CACNB2: variants seen among roughly 807,000 people sequenced by gnomAD.
CACNB2 encodes calcium voltage-gated channel auxiliary subunit beta 2.
CACNB2 carries 42 observed loss-of-function variants against 73.3 expected under a neutral mutation model. The observed-to-expected ratio is 0.57, with a 90% CI of 0.45 to 0.74. The LOEUF is 0.74. Ranked by LOEUF, CACNB2 falls within the 30% of genes least tolerant of loss-of-function variation. The probability of loss-of-function intolerance (pLI) is 0.00; values close to 1 mark genes in which losing one functional copy is unlikely to be tolerated. For missense variants in CACNB2, 940 were observed against 853.0 expected (o/e 1.10, Z -1.27); for synonymous variants, 348 against 310.3 (o/e 1.12, Z -1.28).
intron 3 of CACNB2, among the ~76,000 whole-genome samples, chr10:18,426,450 G>C (rs1314955501): frequency 6.6e-6 from 1 of 152,168 alleles, no homozygotes; most frequent in Non-Finnish European, 1.5e-5. Flanking sequence ...GTATTTATCA[G>C]TCTTTCTAAA....
chr10:18,314,446 T>A (rs1001898896), intron 2 of CACNB2, among the ~76,000 whole-genome samples: 1 of 152,188 alleles, frequency 6.6e-6, no homozygotes, highest in African/African-American at 2.4e-5. Flanking sequence ...TACTTTTTGT[T>A]TGTTACATCA....
At chr10:18,401,154 T>C in intron 2 of CACNB2, 1 of 1,608,362 alleles carries the variant, frequency 6.2e-7, no homozygotes. Context: ...TCTGCTTTTC[T>C]GTTGTTGCAG....
At chr10:18,296,536 G>C (rs1031768010) in intron 2 of CACNB2, among the ~76,000 whole-genome samples, 2 of 152,082 alleles carry the variant, frequency 1.3e-5, no homozygotes, top group African/African-American at 4.8e-5. Context: ...AAACCTGAGA[G>C]ATCACACCAG....
chr10:18,159,563 T>G (rs188648553), intron 2 of CACNB2, among the ~76,000 whole-genome samples: 2 of 152,286 alleles, frequency 1.3e-5, no homozygotes, highest in Admixed American at 1.3e-4. Flanking sequence ...GCATGACACT[T>G]TCAGAACATG....
chr10:18,464,493 C>G (rs1449937956), intron 3 of CACNB2, among the ~76,000 whole-genome samples: 1 of 149,126 alleles, frequency 6.7e-6, no homozygotes, highest in East Asian at 2.0e-4. Context: ...TTTTTATTTC[C>G]AAGCTTCCCC....
chr10:18,358,977 A>G (rs1023705842), intron 2 of CACNB2, among the ~76,000 whole-genome samples: 1 of 152,174 alleles, frequency 6.6e-6, no homozygotes, highest in African/African-American at 2.4e-5. Context: ...TTTTTTATGT[A>G]GCAGTTTCCT....
chr10:18,511,512 G>T (rs548591421), intron 6 of CACNB2, among the ~76,000 whole-genome samples: 1 of 152,346 alleles, frequency 6.6e-6, no homozygotes, highest in African/African-American at 2.4e-5. Context: ...GTATCCCAGG[G>T]AATGGTAGCT....
At chr10:18,289,288 T>C (rs1408004807) in intron 2 of CACNB2, among the ~76,000 whole-genome samples, 1 of 68,718 alleles carries the variant, frequency 1.5e-5, no homozygotes, top group Admixed American at 1.8e-4. Context: ...TTTCTTGTTT[T>C]TTTGTTTTGT....
At position 18,383,389 on chromosome 10, in the gene CACNB2, C is replaced by G. The variant is rs552354866; in HGVS notation, c.214-18535C>G. Reference sequence around the variant, plus strand: ...GCAGAAGTGGGTATAAGCAGAGAGACTAATTACAAAGGCACCGTAAGAGTC... The same window carrying G: ...GCAGAAGTGGGTATAAGCAGAGAGAGTAATTACAAAGGCACCGTAAGAGTC... On this transcript the variant is annotated intron_variant, in intron 2 of 13. Coordinates refer to ENST00000324631, the MANE Select transcript of CACNB2 (RefSeq NM_201596.3). 2.6e-4 allele frequency among the ~76,000 whole-genome samples: 40 copies of G among 152,256 alleles called. 2 individuals carry two copies. In the South Asian group the frequency reaches 8.3e-3, roughly 32 times the overall value.
intron 2 of CACNB2, among the ~76,000 whole-genome samples, chr10:18,208,318 T>A (rs1238787668): frequency 6.6e-6 from 1 of 151,520 alleles, no homozygotes; most frequent in East Asian, 1.9e-4. Context: ...ACAAAAAACT[T>A]TTTTTTAATT....
intron 2 of CACNB2, among the ~76,000 whole-genome samples, chr10:18,324,168 T>C (rs141009316): frequency 7.9e-5 from 12 of 152,344 alleles, no homozygotes; most frequent in African/African-American, 2.9e-4. Flanking sequence ...TGTGTTTCTG[T>C]TCATGAGGAG....
chr10:18,186,324 C>A (rs973403815), intron 2 of CACNB2, among the ~76,000 whole-genome samples: 9 of 151,560 alleles, frequency 5.9e-5, no homozygotes, highest in Non-Finnish European at 1.0e-4. Context: ...GAGGCTGAGG[C>A]AAGAGAATTG....
intron 2 of CACNB2, among the ~76,000 whole-genome samples, chr10:18,347,288 C>A (rs2041499702): frequency 6.6e-6 from 1 of 151,812 alleles, no homozygotes. Context: ...AGCAATTCTC[C>A]TGCCTCAGCC....
intron 1 of CACNB2, among the ~76,000 whole-genome samples, chr10:18,145,632 G>A (rs2030887517): frequency 6.6e-6 from 1 of 152,098 alleles, no homozygotes; most frequent in East Asian, 1.9e-4. Flanking sequence ...GCCCTTTCAA[G>A]AGAAGCTAAG....
intron 3 of CACNB2, among the ~76,000 whole-genome samples, chr10:18,413,357 C>A (rs1486836430): frequency 6.6e-6 from 1 of 152,202 alleles, no homozygotes; most frequent in Non-Finnish European, 1.5e-5. Context: ...AAACCACTGC[C>A]ATCTTCCCTT....
intron 2 of CACNB2, among the ~76,000 whole-genome samples, chr10:18,382,152 T>C (rs949915893): frequency 2.6e-5 from 4 of 152,130 alleles, no homozygotes; most frequent in African/African-American, 7.2e-5. Context: ...ATCTTAAATA[T>C]AGCAAAATTA....
chr10:18,458,077 TC>T (rs1472392622), intron 3 of CACNB2, among the ~76,000 whole-genome samples: 1 of 152,216 alleles, frequency 6.6e-6, no homozygotes, highest in Non-Finnish European at 1.5e-5. Flanking sequence ...TGCAGAGAAA[TC>T]ATTTAACCAA....
In CACNB2 at chr10:18,359,397, G is replaced by GAGT. The variant is rs577779587; in HGVS notation, c.214-42524_214-42522dup. ...AGTGATTCTCCCACCTCAGCCTCCA[G>GAGT]AGTAGCTGGGACTACAGGTGTGTGC... On this transcript the variant is annotated intron_variant, in intron 2 of 13. Transcript: ENST00000324631. Among the ~76,000 whole-genome samples, 268 of 152,134 alleles carry GAGT rather than the reference G, an allele frequency of 1.8e-3. 1 individual carries two copies. The highest frequency in any genetic ancestry group is 3.4e-3 in the Admixed American group (52 of 15,256).
intron 3 of CACNB2, among the ~76,000 whole-genome samples, chr10:18,463,596 T>C (rs1413036439): frequency 6.2e-5 from 2 of 32,314 alleles, no homozygotes; most frequent in African/African-American, 1.1e-4. Context: ...TTTTTTTTTG[T>C]TGTTTTTTGT....
Sources: gnomAD v4.1 joint callset for allele counts (sites outside exome capture counted in the v4.1 genomes callset) on GRCh38, gnomAD v4.1.1 for gene constraint, MANE v1.5 for transcripts, NCBI Gene and HGNC (gene_info 2026-07-23, HGNC 2026-07-21) for gene names.